ADD1: variants seen among roughly 807,000 people sequenced by gnomAD.
ADD1 encodes adducin 1.
In ADD1, 24 loss-of-function variants were observed where a neutral mutation model predicts 80.5. That is an observed-to-expected ratio of 0.30 (90% confidence interval 0.22 to 0.42). The LOEUF (loss-of-function observed/expected upper bound fraction) is 0.42. ADD1 is among the 10% of genes least tolerant of loss of function. The pLI is 1.00. For missense variants in ADD1, 948 were observed against 1,019.0 expected (o/e 0.93, Z 0.95); for synonymous variants, 373 against 393.8 (o/e 0.95, Z 0.63).
At position 2,904,846 on chromosome 4, in the gene ADD1, G is replaced by A. The variant is rs765558070; in HGVS notation, c.1244G>A (p.Ser415Asn). 10 of 1,614,088 alleles carry A rather than the reference G, an allele frequency of 6.2e-6. No individual in the cohort carries two copies. The highest frequency in any genetic ancestry group is 8.5e-6 in the Non-Finnish European group (10 of 1,180,052). The change falls in exon 10 of 16, where the codon AGT (serine) becomes AAT (asparagine). Residue 415 changes from serine to asparagine, a missense_variant. By Grantham distance (46) the Ser-to-Asn change is conservative. Coordinates refer to ENST00000683351, the MANE Select transcript of ADD1 (RefSeq NM_001354761.2). ...KKYSDVEVPA[S>N]VTGYSFASDG... ...TACAGCGATGTGGAGGTTCCTGCTA[G>A]TGTCACAGGTTACTCCTTTGCTAGT... is the stretch of plus-strand genomic sequence containing the variant.
chr4:2,915,364 G>C (rs1738816400), intron 14 of ADD1, among the ~76,000 whole-genome samples: 1 of 152,202 alleles, frequency 6.6e-6, no homozygotes, highest in South Asian at 2.1e-4. Context: ...AATTAGGCTG[G>C]GCATGGTGGC....
intron 4 of ADD1, among the ~76,000 whole-genome samples, chr4:2,888,128 C>T (rs1034546397): frequency 2.2e-4 from 33 of 151,898 alleles, no homozygotes; most frequent in Admixed American, 3.3e-4. Flanking sequence ...GGTGGAATCT[C>T]GGCTCACTGC....
At chr4:2,851,810 A>G (rs1254336896) in intron 1 of ADD1, among the ~76,000 whole-genome samples, 1 of 152,042 alleles carries the variant, frequency 6.6e-6, no homozygotes, top group Non-Finnish European at 1.5e-5. Context: ...GGGGGGAAAT[A>G]GATGACCCCC....
At chr4:2,886,880 C>T (rs1378874198) in intron 4 of ADD1, among the ~76,000 whole-genome samples, 5 of 152,050 alleles carry the variant, frequency 3.3e-5, no homozygotes, top group Admixed American at 2.6e-4. Flanking sequence ...TAAGTGGTTG[C>T]CTGAAGATCA....
Position 2,925,938 on chromosome 4 carries a change from A to G in ADD1, c.1949-76A>G, listed in dbSNP as rs529807519. 1.8e-3 allele frequency: 2,433 copies of G among 1,326,630 alleles called. 6 individuals carry two copies. Among genetic ancestry groups the G allele is most frequent in the Non-Finnish European group, 1.9e-3 (1,788 of 937,752 alleles). The allele number at this position is 1,326,630 out of a possible 1,614,324, so 82.2% of individuals were successfully genotyped here. A position where few individuals can be genotyped will look rare whatever the true frequency, so the allele number is the denominator to read the frequency against. Reference sequence around the variant, plus strand: ...AGAGGGCGGCCGAGCGGGCTGCCCCATCTGCCATGGAGGCAGGTACAGGCT... The same window carrying G: ...AGAGGGCGGCCGAGCGGGCTGCCCCGTCTGCCATGGAGGCAGGTACAGGCT... On this transcript the variant is annotated intron_variant, in intron 14 of 15. Transcript: ENST00000683351.
rs1269402650 is a variant in ADD1, at chr4:2,904,951, C to G, written c.1349C>G (p.Ser450Cys). The change falls in exon 10 of 16, where the codon TCT (serine) becomes TGT (cysteine). Residue 450 changes from serine to cysteine, a missense_variant. Transcript: ENST00000683351. ...QQREKTRWLN[S>C]GRGDEASEEG... The stretch of plus-strand genomic sequence containing the variant: ...CGGGAGAAGACAAGATGGCTGAACT[C>G]TGGCCGGGGCGACGAAGCTTCCGAG... The G allele has an allele frequency of 6.2e-7, 1 of 1,614,192 alleles. No individual in the cohort carries two copies. The highest frequency in any genetic ancestry group is 1.3e-5 in the African/African-American group (1 of 75,052).
At chr4:2,922,392 C>G (rs1740203657) in intron 14 of ADD1, among the ~76,000 whole-genome samples, 1 of 152,230 alleles carries the variant, frequency 6.6e-6, no homozygotes, top group Non-Finnish European at 1.5e-5. Flanking sequence ...AACAGACAGG[C>G]TCCTCTGCTG....
intron 4 of ADD1, among the ~76,000 whole-genome samples, chr4:2,892,082 T>G (rs1044068304): frequency 6.6e-6 from 1 of 152,168 alleles, no homozygotes; most frequent in African/African-American, 2.4e-5. Flanking sequence ...ATTTCTTTCC[T>G]GAATGAATAA....
At chr4:2,923,534 C>T (rs1740443319) in intron 14 of ADD1, among the ~76,000 whole-genome samples, 2 of 152,256 alleles carry the variant, frequency 1.3e-5, no homozygotes, top group African/African-American at 2.4e-5. Flanking sequence ...AATCATCCAC[C>T]TTCTGCGTTG....
intron 14 of ADD1, among the ~76,000 whole-genome samples, chr4:2,921,547 TTCTC>T (rs1449039335): frequency 1.3e-5 from 2 of 152,222 alleles, no homozygotes; most frequent in Non-Finnish European, 2.9e-5. Flanking sequence ...AACCCAACCT[TTCTC>T]TCTGGCTGCC....
chr4:2,899,169 T>G (rs1480837799), intron 8 of ADD1, 90 bp from the exon 9 acceptor site: 6 of 1,336,874 alleles, frequency 4.5e-6, no homozygotes, highest in Non-Finnish European at 6.2e-6. Flanking sequence ...GAGATTTGGT[T>G]TCTTTTGAAA....
intron 2 of ADD1, among the ~76,000 whole-genome samples, chr4:2,879,991 C>T (rs1456875171): frequency 2.0e-5 from 3 of 152,194 alleles, no homozygotes; most frequent in African/African-American, 7.2e-5. Context: ...CTGGAAGTTA[C>T]AGGTGGAAGC....
At chr4:2,916,530 CTCT>C (rs1182437112) in intron 14 of ADD1, among the ~76,000 whole-genome samples, 5 of 152,046 alleles carry the variant, frequency 3.3e-5, no homozygotes, top group Admixed American at 1.3e-4. Context: ...GTCTCTCTCT[CTCT>C]TTTTTTTAAA....
chr4:2,904,510 A>C (rs1365562976), intron 9 of ADD1, among the ~76,000 whole-genome samples: 2 of 152,226 alleles, frequency 1.3e-5, no homozygotes, highest in Non-Finnish European at 2.9e-5. Flanking sequence ...TAGACTATCC[A>C]TCTCCTATAT....
In ADD1 at chr4:2,908,600, T is replaced by C. The variant is rs747326816; in HGVS notation, c.1694T>C (p.Val565Ala). 6.2e-7 allele frequency: 1 copy of C among 1,614,086 alleles called. No homozygotes were observed. The highest frequency in any genetic ancestry group is 8.5e-7 in the Non-Finnish European group (1 of 1,179,900). ...GGTGTAGTGATGGACAGGAGCCTCG[T>C]CCAGGTGAGAGCCCAGAGTGTCTCT... ...LCGVVMDRSL[V>A]QDAPLSDCTE... Residue 565 changes from valine to alanine, a missense_variant, in exon 12 of 16, where the codon GTC becomes GCC. Coordinates refer to ENST00000683351, the MANE Select transcript of ADD1 (RefSeq NM_001354761.2).
At chr4:2,906,801 A>G (rs1737139931) in intron 10 of ADD1, among the ~76,000 whole-genome samples, 2 of 152,218 alleles carry the variant, frequency 1.3e-5, no homozygotes, top group Non-Finnish European at 2.9e-5. Flanking sequence ...CTCCATGCCC[A>G]TTCCACACTC....
chr4:2,911,431 C>CATATATATATATATATATATATAT (rs1553848842), intron 13 of ADD1, among the ~76,000 whole-genome samples: 5 of 140,894 alleles, frequency 3.5e-5, no homozygotes, highest in Non-Finnish European at 3.0e-5. Flanking sequence ...ACCTGAAATA[C>CATATATATATATATATATATATAT]ATATATATAT....
chr4:2,909,519 TTA>T (rs1491249859), intron 13 of ADD1, 88 bp downstream of exon 13: 4 of 914,732 alleles, frequency 4.4e-6, no homozygotes, highest in Non-Finnish European at 6.6e-6. Context: ...AGGCATTGTC[TTA>T]GTTACTGAAG....
chr4:2,880,625 A>G (rs953222253), intron 2 of ADD1, among the ~76,000 whole-genome samples: 5 of 150,818 alleles, frequency 3.3e-5, no homozygotes, highest in African/African-American at 9.7e-5. Flanking sequence ...ACAGGCGCCC[A>G]CCACCACGCC....
Sources: gnomAD v4.1 joint callset for allele counts (sites outside exome capture counted in the v4.1 genomes callset) on GRCh38, gnomAD v4.1.1 for gene constraint, MANE v1.5 for transcripts, NCBI Gene and HGNC (gene_info 2026-07-23, HGNC 2026-07-21) for gene names.